The following PPP1R12A variants were observed in gnomAD, a reference collection of about 807,000 sequenced individuals.
PPP1R12A encodes the protein myosin binding subunit.
A neutral mutation model predicts 139.6 loss-of-function variants in PPP1R12A; 19 were observed. That is an observed-to-expected ratio of 0.14 (90% CI 0.09 to 0.20). PPP1R12A has a LOEUF of 0.20. PPP1R12A is among the 10% of genes least tolerant of loss of function. PPP1R12A has a pLI of 1.00. For missense variants in PPP1R12A, 925 were observed against 1,211.5 expected (o/e 0.76, Z 3.51); for synonymous variants, 427 against 420.6 (o/e 1.02, Z -0.19).
chr12:79,888,903 C>T (rs1884347629), intron 1 of PPP1R12A, among the ~76,000 whole-genome samples: 2 of 152,178 alleles, frequency 1.3e-5, no homozygotes, highest in African/African-American at 4.8e-5. Context: ...CAATTTGGTT[C>T]TATCTATCAA....
chr12:79,801,728 C>G (rs2137044498), intron 14 of PPP1R12A, among the ~76,000 whole-genome samples: 1 of 152,236 alleles, frequency 6.6e-6, no homozygotes, highest in Admixed American at 6.5e-5. Context: ...ACAATTAACC[C>G]TAAGATGACC....
intron 2 of PPP1R12A, among the ~76,000 whole-genome samples, chr12:79,868,814 C>T (rs1228002080): frequency 1.3e-5 from 2 of 151,024 alleles, no homozygotes; most frequent in African/African-American, 4.9e-5. Context: ...ACTATTCTGC[C>T]CATAATACTG....
At chr12:79,922,518 T>C (rs897913672) in intron 1 of PPP1R12A, among the ~76,000 whole-genome samples, 5 of 152,108 alleles carry the variant, frequency 3.3e-5, no homozygotes, top group African/African-American at 4.8e-5. Flanking sequence ...TAAAAAAGAA[T>C]GAGTTCATGT....
intron 19 of PPP1R12A, among the ~76,000 whole-genome samples, chr12:79,791,702 T>C (rs1422507052): frequency 1.3e-5 from 2 of 152,242 alleles, no homozygotes; most frequent in Non-Finnish European, 2.9e-5. Flanking sequence ...AACCATTTTT[T>C]AGAGTATATA....
intron 1 of PPP1R12A, among the ~76,000 whole-genome samples, chr12:79,882,052 C>G (rs1265941235): frequency 5.3e-5 from 8 of 152,160 alleles, no homozygotes; most frequent in Non-Finnish European, 1.2e-4. Context: ...CAACAATGAA[C>G]CTGGTCACCC....
At chr12:79,931,156 A>C (rs1238315209) in intron 1 of PPP1R12A, among the ~76,000 whole-genome samples, 1 of 152,230 alleles carries the variant, frequency 6.6e-6, no homozygotes, top group Non-Finnish European at 1.5e-5. Context: ...ATGTTAACGG[A>C]TAAACGTAAA....
At chr12:79,904,598 A>C (rs1885934568) in intron 1 of PPP1R12A, among the ~76,000 whole-genome samples, 1 of 152,190 alleles carries the variant, frequency 6.6e-6, no homozygotes, top group Admixed American at 6.5e-5. Flanking sequence ...TAAACAGCAT[A>C]AAGTAGCTCA....
intron 21 of PPP1R12A, chr12:79,788,084 C>G (rs1871341665): frequency 6.6e-6 from 1 of 152,374 alleles, no homozygotes; most frequent in African/African-American, 2.4e-5. Context: ...CTCACCCGTT[C>G]CCCTAACTTG....
chr12:79,775,562 A>G lies in PPP1R12A; in HGVS notation c.*367T>C, dbSNP rs1869628645. On this transcript the variant is annotated 3_prime_UTR_variant, in exon 25 of 25. Coordinates refer to ENST00000450142, the MANE Select transcript of PPP1R12A (RefSeq NM_002480.3). ...AGCTGAAAGTTTTTGTTGACACAAA[A>G]GTATTTATGTACAACTAAGGCTTAC... 1 of 156,452 alleles carries G rather than the reference A, an allele frequency of 6.4e-6. No individual in the cohort carries two copies. The highest frequency in any genetic ancestry group is 2.4e-5 in the African/African-American group (1 of 41,622). The allele number at this position is 156,452 out of a possible 1,614,324, so 9.7% of individuals were successfully genotyped here. A position where few individuals can be genotyped will look rare whatever the true frequency, so the allele number is the denominator to read the frequency against.
At chr12:79,840,380 T>C (rs919286461) in intron 3 of PPP1R12A, among the ~76,000 whole-genome samples, 1 of 152,202 alleles carries the variant, frequency 6.6e-6, no homozygotes, top group African/African-American at 2.4e-5. Context: ...TCTCATCTAC[T>C]AGTTCCCAGA....
At chr12:79,893,074 A>G (rs2137433617) in intron 1 of PPP1R12A, among the ~76,000 whole-genome samples, 1 of 151,772 alleles carries the variant, frequency 6.6e-6, no homozygotes, top group Non-Finnish European at 1.5e-5. Context: ...CTGTACTCCC[A>G]GCCTGGGCGA....
At chr12:79,819,186 T>C (rs1169345821) in intron 8 of PPP1R12A, 2 of 152,192 alleles carry the variant, frequency 1.3e-5, no homozygotes, top group Non-Finnish European at 2.9e-5. Context: ...CGGGAACAAA[T>C]ACAATGCAAT....
intron 1 of PPP1R12A, among the ~76,000 whole-genome samples, chr12:79,876,836 CCT>C (rs751917841): frequency 2.0e-5 from 3 of 151,966 alleles, no homozygotes; most frequent in Non-Finnish European, 4.4e-5. Flanking sequence ...ATGGTGAAAC[CCT>C]GTCTCTACTA....
At chr12:79,878,797 C>A (rs1430567640) in intron 1 of PPP1R12A, among the ~76,000 whole-genome samples, 2 of 152,108 alleles carry the variant, frequency 1.3e-5, no homozygotes, top group African/African-American at 4.8e-5. Context: ...CCCCATGATT[C>A]ATTCAATTAC....
chr12:79,902,303 A>G (rs954961244), intron 1 of PPP1R12A, among the ~76,000 whole-genome samples: 1 of 152,182 alleles, frequency 6.6e-6, no homozygotes, highest in East Asian at 1.9e-4. Context: ...ACCTGAAAAT[A>G]TGACATTTCT....
chr12:79,911,963 G>T (rs1886605098), intron 1 of PPP1R12A, among the ~76,000 whole-genome samples: 1 of 152,088 alleles, frequency 6.6e-6, no homozygotes, highest in Non-Finnish European at 1.5e-5. Context: ...AAGGTCTCCT[G>T]GATCCTCCTA....
At chr12:79,927,365 T>C (rs149123086) in intron 1 of PPP1R12A, among the ~76,000 whole-genome samples, 1,868 of 152,328 alleles carry the variant, frequency 0.012, 14 homozygotes, top group Non-Finnish European at 0.018. Context: ...TCAAAAATAA[T>C]CTTGGCACTT....
intron 16 of PPP1R12A, 48 bp from the exon 17 acceptor site, chr12:79,796,998 A>G (rs758464493): frequency 6.6e-7 from 1 of 1,523,818 alleles, no homozygotes; most frequent in African/African-American, 1.4e-5. Flanking sequence ...AAACACAATT[A>G]AAAACATAAA....
chr12:79,779,247 G>T, intron 23 of PPP1R12A: 1 of 1,121,630 alleles, frequency 8.9e-7, no homozygotes, highest in South Asian at 1.3e-5. Context: ...TCCCTTAAAT[G>T]ATAAGCATTC....
Sources: allele counts gnomAD v4.1 joint callset (sites outside exome capture counted in the v4.1 genomes callset), GRCh38; gene constraint gnomAD v4.1.1; transcripts MANE v1.5; gene names NCBI Gene and HGNC (gene_info 2026-07-23, HGNC 2026-07-21).